TAFA1: variants seen among roughly 807,000 people sequenced by gnomAD.
TAFA1 encodes the protein chemokine-like protein TAFA-1.
In TAFA1, 4 loss-of-function variants were observed where a neutral mutation model predicts 18.5. That is an observed-to-expected ratio of 0.22 (90% confidence interval 0.11 to 0.49). TAFA1 has a LOEUF of 0.49. Among genes scored for constraint, TAFA1 ranks in the 20% least tolerant of loss-of-function variants. The probability of loss-of-function intolerance (pLI) is 0.98; values close to 1 mark genes in which losing one functional copy is unlikely to be tolerated. For missense variants in TAFA1, 147 were observed against 169.0 expected (o/e 0.87, Z 0.72); for synonymous variants, 56 against 55.2 (o/e 1.01, Z -0.06).
intron 2 of TAFA1, among the ~76,000 whole-genome samples, chr3:68,179,927 A>T (rs1234089293): frequency 6.6e-6 from 1 of 151,844 alleles, no homozygotes; most frequent in East Asian, 1.9e-4. Flanking sequence ...ATTATTAATT[A>T]TGCTTAAACT....
At chr3:68,204,310 G>A (rs1023671472) in intron 2 of TAFA1, among the ~76,000 whole-genome samples, 3 of 151,684 alleles carry the variant, frequency 2.0e-5, no homozygotes, top group African/African-American at 7.3e-5. Context: ...CTCTCCTTTG[G>A]GCTGGCTTAA....
At chr3:68,368,549 C>A (rs2069617231) in intron 2 of TAFA1, among the ~76,000 whole-genome samples, 1 of 149,510 alleles carries the variant, frequency 6.7e-6, no homozygotes, top group Non-Finnish European at 1.5e-5. Context: ...GGATGTCAGA[C>A]TGTCCACTAA....
chr3:68,527,103 A>C (rs2073120455), intron 3 of TAFA1, among the ~76,000 whole-genome samples: 1 of 152,148 alleles, frequency 6.6e-6, no homozygotes, highest in African/African-American at 2.4e-5. Context: ...CACAGATGCA[A>C]AGTCATGTAA....
chr3:68,002,897 CA>C (rs1411344126), upstream of TAFA1, among the ~76,000 whole-genome samples: 1 of 152,140 alleles, frequency 6.6e-6, no homozygotes, highest in Non-Finnish European at 1.5e-5. Flanking sequence ...CTTTACAAGA[CA>C]TACTATAGAA....
intron 2 of TAFA1, among the ~76,000 whole-genome samples, chr3:68,117,858 C>T (rs1236588941): frequency 6.6e-6 from 1 of 152,110 alleles, no homozygotes; most frequent in African/African-American, 2.4e-5. Flanking sequence ...ATATGCACAG[C>T]ATACAATTTA....
intron 2 of TAFA1, among the ~76,000 whole-genome samples, chr3:68,080,508 G>T (rs1163982009): frequency 6.6e-6 from 1 of 151,938 alleles, no homozygotes; most frequent in African/African-American, 2.4e-5. Context: ...GGGCAGGCCT[G>T]GTGGTGACAA....
intron 4 of TAFA1, among the ~76,000 whole-genome samples, chr3:68,543,946 A>G (rs1419886903): frequency 6.6e-6 from 1 of 152,048 alleles, no homozygotes. Context: ...TAACCTTGAC[A>G]ACGACCTCAC....
chr3:68,088,026 T>C (rs1017047821), intron 2 of TAFA1, among the ~76,000 whole-genome samples: 2 of 152,168 alleles, frequency 1.3e-5, no homozygotes, highest in African/African-American at 4.8e-5. Context: ...GATAAATAAA[T>C]AAAACAAGAT....
At chr3:68,247,503 C>T (rs933818653) in intron 2 of TAFA1, 2 of 152,094 alleles carry the variant, frequency 1.3e-5, no homozygotes, top group Non-Finnish European at 2.9e-5. Context: ...TGCAGGTATG[C>T]TGAGGGGCCT....
At chr3:68,117,405 G>A (rs762966236) in intron 2 of TAFA1, among the ~76,000 whole-genome samples, 8 of 152,180 alleles carry the variant, frequency 5.3e-5, no homozygotes, top group Admixed American at 1.3e-4. Flanking sequence ...AGTTAATAAG[G>A]ATGGGATGTG....
intron 2 of TAFA1, among the ~76,000 whole-genome samples, chr3:68,331,700 T>C (rs575188644): frequency 2.2e-4 from 33 of 152,118 alleles, no homozygotes; most frequent in Admixed American, 6.5e-5. Flanking sequence ...CACTTCCTGA[T>C]TGCAAATTAT....
At chr3:68,211,329 A>G (rs2066593887) in intron 2 of TAFA1, among the ~76,000 whole-genome samples, 1 of 152,080 alleles carries the variant, frequency 6.6e-6, no homozygotes, top group Non-Finnish European at 1.5e-5. Flanking sequence ...TCTATATGCT[A>G]TTCTCAACTA....
At chr3:68,358,035 A>T (rs991788819) in intron 2 of TAFA1, among the ~76,000 whole-genome samples, 1 of 151,946 alleles carries the variant, frequency 6.6e-6, no homozygotes, top group African/African-American at 2.4e-5. Flanking sequence ...TAAATGGATT[A>T]TCAGCAGATT....
At chr3:68,027,316 A>G (rs961706157) in intron 2 of TAFA1, among the ~76,000 whole-genome samples, 1 of 152,152 alleles carries the variant, frequency 6.6e-6, no homozygotes, top group African/African-American at 2.4e-5. Flanking sequence ...AATCCTGAGG[A>G]CACTGGGGCT....
chr3:68,305,119 G>A (rs1300577945), intron 2 of TAFA1, among the ~76,000 whole-genome samples: 1 of 151,874 alleles, frequency 6.6e-6, no homozygotes, highest in African/African-American at 2.4e-5. Context: ...TCTCTGGGTA[G>A]CATCCTTCCT....
chr3:68,381,792 A>T (rs1401371681), intron 2 of TAFA1, among the ~76,000 whole-genome samples: 3 of 152,176 alleles, frequency 2.0e-5, no homozygotes, highest in African/African-American at 7.2e-5. Flanking sequence ...CCCTGGCCAG[A>T]ACTTCCAACA....
intron 2 of TAFA1, among the ~76,000 whole-genome samples, chr3:68,036,436 CAAAA>C (rs10566431): frequency 1.8e-4 from 18 of 98,666 alleles, no homozygotes; most frequent in East Asian, 2.9e-4. Context: ...GAGACTCTGT[CAAAA>C]AAAAAAAAAA....
intron 2 of TAFA1, among the ~76,000 whole-genome samples, chr3:68,011,135 T>TG (rs1460258109): frequency 5.1e-4 from 7 of 13,740 alleles, no homozygotes; most frequent in African/African-American, 2.1e-3. Context: ...GTGTGGGGGG[T>TG]GGTGGGGGGG....
At chr3:68,353,002 A>T (rs1356041053) in intron 2 of TAFA1, among the ~76,000 whole-genome samples, 1 of 152,052 alleles carries the variant, frequency 6.6e-6, no homozygotes. Flanking sequence ...CCCAGTATTA[A>T]ACCACTATGC....
Sources: gnomAD v4.1 joint callset for allele counts (sites outside exome capture counted in the v4.1 genomes callset) on GRCh38, gnomAD v4.1.1 for gene constraint, MANE v1.5 for transcripts, NCBI Gene and HGNC (gene_info 2026-07-23, HGNC 2026-07-21) for gene names.